ARID2: variants seen among roughly 807,000 people sequenced by gnomAD.
ARID2 encodes AT-rich interaction domain 2.
Under a neutral mutation model 184.6 loss-of-function variants are expected in ARID2, and 32 were observed. That is an observed-to-expected ratio of 0.17 (90% CI 0.13 to 0.23). The LOEUF (loss-of-function observed/expected upper bound fraction) is 0.23, where lower values mean the gene tolerates loss of function less well. Among genes scored for constraint, ARID2 ranks in the 10% least tolerant of loss-of-function variants. ARID2 has a pLI of 1.00. For synonymous variants in ARID2, 836 were observed against 772.6 expected, an observed-to-expected ratio of 1.08 and a Z score of -1.36; for missense variants, 1,696 against 2,197.6, an observed-to-expected ratio of 0.77 and a Z score of 4.56.
intron 3 of ARID2, among the ~76,000 whole-genome samples, chr12:45,743,911 CATTT>C (rs1941310124): frequency 6.6e-6 from 1 of 152,004 alleles, no homozygotes; most frequent in Admixed American, 6.6e-5. Flanking sequence ...TTCTTGTTAT[CATTT>C]ATTTATATAA....
chr12:45,853,360 C>G (rs1313649507), intron 15 of ARID2, among the ~76,000 whole-genome samples: 1 of 152,016 alleles, frequency 6.6e-6, no homozygotes, highest in Non-Finnish European at 1.5e-5. Context: ...CAGTCGTATT[C>G]TTTTTGTATT....
chr12:45,852,150 C>G lies in ARID2; in HGVS notation c.4027C>G (p.Gln1343Glu), dbSNP rs1202900260. Residue 1343 changes from glutamine (Q) to glutamate (E), a missense_variant, in exon 15 of 21, where the codon CAA becomes GAA. Physicochemically the swap from Gln to Glu is conservative, Grantham distance 29. This residue lies in a region of ARID2 where 428 missense variants were observed against 409.1 expected (regional missense o/e 1.05). Coordinates refer to ENST00000334344, the MANE Select transcript of ARID2 (RefSeq NM_152641.4). Reference sequence around the variant, plus strand: ...AGCATCTGGGAAACAGAACTCAGAACAAATAGACATGCAAGATATCAAAAG... The same window carrying G: ...AGCATCTGGGAAACAGAACTCAGAAGAAATAGACATGCAAGATATCAAAAG... ...NGASGKQNSEQIDMQDIKSDL... is the reference protein window; with the variant it reads ...NGASGKQNSEEIDMQDIKSDL... 1 of 1,614,024 alleles carries G rather than the reference C, an allele frequency of 6.2e-7. No individual in the cohort carries two copies. The highest frequency in any genetic ancestry group is 1.7e-5 in the Admixed American group (1 of 60,018).
At chr12:45,778,500 G>A (rs2138035103) in intron 3 of ARID2, among the ~76,000 whole-genome samples, 1 of 152,210 alleles carries the variant, frequency 6.6e-6, no homozygotes, top group South Asian at 2.1e-4. Flanking sequence ...AAGGCAGAGA[G>A]AGAAGTAATA....
chr12:45,820,713 C>T (rs1025960258), intron 5 of ARID2, among the ~76,000 whole-genome samples: 1 of 152,088 alleles, frequency 6.6e-6, no homozygotes, highest in Non-Finnish European at 1.5e-5. Context: ...AGTCTGATCC[C>T]ATATTGACAA....
In ARID2 at chr12:45,893,678, TTAA is replaced by T; in HGVS notation, c.5323_5325del (p.Ile1775del). The T allele has an allele frequency of 6.2e-7, 1 of 1,605,492 alleles. No homozygotes were observed. Among genetic ancestry groups the T allele is most frequent in the Non-Finnish European group, 8.5e-7 (1 of 1,177,752 alleles). ...TAAACACATCCGACTAACAGCTGCC[TTAA>T]TATTAAAAAATATTGGTAAATATTC... On this transcript the variant is annotated inframe_deletion, in exon 20 of 21. Coordinates refer to ENST00000334344, the MANE Select transcript of ARID2 (RefSeq NM_152641.4).
chr12:45,790,433 A>T (rs1050206986), intron 3 of ARID2, among the ~76,000 whole-genome samples: 1 of 152,156 alleles, frequency 6.6e-6, no homozygotes, highest in African/African-American at 2.4e-5. Flanking sequence ...TGACACCTTT[A>T]TAATATTAAG....
intron 3 of ARID2, among the ~76,000 whole-genome samples, chr12:45,742,699 G>C (rs1941286571): frequency 6.6e-6 from 1 of 152,158 alleles, no homozygotes; most frequent in Non-Finnish European, 1.5e-5. Flanking sequence ...ATGGCACTTA[G>C]ATTGTTTCCA....
chr12:45,861,092 A>T, intron 16 of ARID2, 143 bp downstream of exon 16: 1 of 679,718 alleles, frequency 1.5e-6, no homozygotes, highest in Non-Finnish European at 2.2e-6. Context: ...TATATTTATG[A>T]TCCATTATGT....
At chr12:45,795,295 C>T (rs185061290) in intron 3 of ARID2, among the ~76,000 whole-genome samples, 109 of 152,242 alleles carry the variant, frequency 7.2e-4, no homozygotes, top group African/African-American at 2.5e-3. Context: ...TACTCCTGTT[C>T]TCATGAGGTT....
At chr12:45,883,940 T>G (rs953965545) in intron 16 of ARID2, among the ~76,000 whole-genome samples, 2 of 152,166 alleles carry the variant, frequency 1.3e-5, no homozygotes, top group Non-Finnish European at 2.9e-5. Context: ...CAGTGTGAAC[T>G]GATGTGCTAG....
At chr12:45,837,749 A>G (rs112478032) in intron 10 of ARID2, 42 bp downstream of exon 10, 25 of 1,577,150 alleles carry the variant, frequency 1.6e-5, no homozygotes, top group Non-Finnish European at 2.1e-5. Context: ...TTATTGAGTA[A>G]AAGTGTTTAA....
chr12:45,855,978 G>A (rs552644250), intron 15 of ARID2, among the ~76,000 whole-genome samples: 73 of 151,750 alleles, frequency 4.8e-4, no homozygotes, highest in Non-Finnish European at 7.5e-4. Context: ...TGATCCCCGC[G>A]CCTTGGCCTC....
intron 18 of ARID2, 72 bp downstream of exon 18, chr12:45,892,168 C>T (rs1944309980): frequency 1.4e-6 from 2 of 1,459,950 alleles, no homozygotes; most frequent in African/African-American, 2.9e-5. Flanking sequence ...AAATGAAACG[C>T]AACTTAGCAT....
At chr12:45,841,105 A>G (rs1393297330) in intron 11 of ARID2, 2 of 152,216 alleles carry the variant, frequency 1.3e-5, no homozygotes, top group Non-Finnish European at 2.9e-5. Context: ...GTTTTTTACC[A>G]TCAAAGAAGA....
chr12:45,813,896 T>G (rs1414779605), intron 4 of ARID2, among the ~76,000 whole-genome samples: 1 of 152,210 alleles, frequency 6.6e-6, no homozygotes. Context: ...CATACTGTTT[T>G]TGACATTACA....
chr12:45,848,550 T>C (rs1455038039), intron 12 of ARID2, among the ~76,000 whole-genome samples: 2 of 152,152 alleles, frequency 1.3e-5, no homozygotes, highest in Non-Finnish European at 2.9e-5. Flanking sequence ...AACTATTTCT[T>C]ATAGAACATT....
intron 16 of ARID2, among the ~76,000 whole-genome samples, chr12:45,864,066 A>G (rs1446064779): frequency 1.3e-5 from 2 of 151,994 alleles, no homozygotes; most frequent in African/African-American, 2.4e-5. Context: ...CATGTTGCCA[A>G]GGCTGTTCTC....
intron 20 of ARID2, among the ~76,000 whole-genome samples, chr12:45,901,168 T>A (rs1944453128): frequency 3.5e-5 from 2 of 57,660 alleles, no homozygotes; most frequent in East Asian, 1.1e-3. Context: ...TTTTTTTTTT[T>A]TTTTTTTTTT....
chr12:45,755,758 TTC>T (rs1031508575), intron 3 of ARID2, among the ~76,000 whole-genome samples: 15 of 152,196 alleles, frequency 9.9e-5, no homozygotes, highest in African/African-American at 3.6e-4. Context: ...AACTCAGCAC[TTC>T]TCTCTGAATA....
Sources: allele counts gnomAD v4.1 joint callset (sites outside exome capture counted in the v4.1 genomes callset), GRCh38; gene constraint gnomAD v4.1.1; regional missense constraint gnomAD v4.1.1; transcripts MANE v1.5; gene names NCBI Gene and HGNC (gene_info 2026-07-23, HGNC 2026-07-21).